ARHGAP42: variants seen among roughly 807,000 people sequenced by gnomAD.
ARHGAP42 encodes the protein rho GTPase-activating protein 42.
ARHGAP42 carries 63 observed loss-of-function variants against 125.0 expected under a neutral mutation model. The ratio of observed to expected loss-of-function variants is 0.50; its 90% CI spans 0.41 to 0.62. The LOEUF (loss-of-function observed/expected upper bound fraction) is 0.62, where lower values mean the gene tolerates loss of function less well. Among genes scored for constraint, ARHGAP42 ranks in the 20% least tolerant of loss-of-function variants. ARHGAP42 has a pLI of 0.00. For synonymous variants in ARHGAP42, 339 were observed against 351.0 expected (o/e 0.97, Z 0.38); for missense variants, 766 against 1,024.2 (o/e 0.75, Z 3.44).
At chr11:100,762,050 ATGAT>A (rs1862713166) in intron 1 of ARHGAP42, among the ~76,000 whole-genome samples, 1 of 152,230 alleles carries the variant, frequency 6.6e-6, no homozygotes, top group Admixed American at 6.5e-5. Flanking sequence ...ACATAAAAGA[ATGAT>A]TGTTTCTAAT....
intron 3 of ARHGAP42, 89 bp from the exon 4 acceptor site, chr11:100,859,465 A>T (rs1171146215): frequency 2.2e-5 from 24 of 1,093,802 alleles, no homozygotes; most frequent in Non-Finnish European, 3.0e-5. Flanking sequence ...AAAACAGTCT[A>T]TTTGATACAT....
At chr11:100,957,753 ACT>A (rs1407673998) in intron 12 of ARHGAP42, among the ~76,000 whole-genome samples, 1 of 151,992 alleles carries the variant, frequency 6.6e-6, no homozygotes, top group Non-Finnish European at 1.5e-5. Context: ...AGTTAGACTG[ACT>A]CTCAGTAAGA....
chr11:100,874,130 CTG>C lies in ARHGAP42; in HGVS notation c.384+14509_384+14510del, dbSNP rs781533332. Among the ~76,000 whole-genome samples, 256 of 152,290 alleles carry C rather than the reference CTG, an allele frequency of 1.7e-3. 2 individuals carry two copies. Among genetic ancestry groups the C allele is most frequent in the Admixed American group, 3.9e-3 (60 of 15,298 alleles). On this transcript the variant is annotated intron_variant, in intron 4 of 23. Coordinates refer to ENST00000298815, the MANE Select transcript of ARHGAP42 (RefSeq NM_152432.4). ...CTGGCTTCTCCCAAGGGCTTTTGTG[CTG>C]TGTCATACATACGGATGTTCAGAGC...
chr11:100,728,769 T>C (rs1415868893), intron 1 of ARHGAP42, among the ~76,000 whole-genome samples: 1 of 145,702 alleles, frequency 6.9e-6, no homozygotes, highest in Non-Finnish European at 1.5e-5. Flanking sequence ...CACACTTTTC[T>C]TTTTTAATTT....
chr11:100,943,622 AAGAC>A, intron 9 of ARHGAP42, 133 bp from the exon 10 acceptor site: 1 of 519,210 alleles, frequency 1.9e-6, no homozygotes, highest in Middle Eastern at 2.9e-4. Context: ...GGAATAAAAA[AAGAC>A]AGGGTATGAT....
Position 100,870,718 on chromosome 11 carries a change from T to C in ARHGAP42, c.384+11093T>C, listed in dbSNP as rs1052203361. 4.6e-5 allele frequency among the ~76,000 whole-genome samples: 7 copies of C among 152,348 alleles called. No homozygotes were observed. In the East Asian group the frequency reaches 7.7e-4, roughly 17 times the overall value. ...TTGGAAACACTGTATTTCACACTTATGTTTTAGAGTTCAAAGTTACAGATA... is the reference window on the plus strand; with the variant it reads ...TTGGAAACACTGTATTTCACACTTACGTTTTAGAGTTCAAAGTTACAGATA... On this transcript the variant is annotated intron_variant, in intron 4 of 23. Transcript: ENST00000298815.
intron 14 of ARHGAP42, 39 bp from the exon 15 acceptor site, chr11:100,961,645 G>T: frequency 1.3e-6 from 2 of 1,520,918 alleles, no homozygotes; most frequent in South Asian, 2.4e-5. Context: ...GAAATATTTT[G>T]AACTGCACAA....
chr11:100,879,130 C>G (rs560773785), intron 4 of ARHGAP42, among the ~76,000 whole-genome samples: 1 of 152,084 alleles, frequency 6.6e-6, no homozygotes, highest in South Asian at 2.1e-4. Context: ...ATTAGAAATG[C>G]AGAATCTTTG....
At chr11:100,894,099 A>G (rs1866285390) in intron 4 of ARHGAP42, among the ~76,000 whole-genome samples, 1 of 152,196 alleles carries the variant, frequency 6.6e-6, no homozygotes, top group African/African-American at 2.4e-5. Context: ...GACAGGTTGT[A>G]TTCCAGTGAA....
chr11:100,729,501 G>C (rs1431686269), intron 1 of ARHGAP42, among the ~76,000 whole-genome samples: 1 of 152,076 alleles, frequency 6.6e-6, no homozygotes, highest in Non-Finnish European at 1.5e-5. Flanking sequence ...CTTGAGATTA[G>C]ATTGAAATTT....
At position 100,901,706 on chromosome 11, in the gene ARHGAP42, G is replaced by C. The variant is rs868695322; in HGVS notation, c.385-11746G>C. ...GCAGTGAGCAAGGCTCCGTGGGCATGGGACCCCCTGAGCCAGGCACGGGAG... is the reference window on the plus strand; with the variant it reads ...GCAGTGAGCAAGGCTCCGTGGGCATCGGACCCCCTGAGCCAGGCACGGGAG... On this transcript the variant is annotated intron_variant, in intron 4 of 23. Coordinates refer to ENST00000298815, the MANE Select transcript of ARHGAP42 (RefSeq NM_152432.4). 1.8e-4 allele frequency among the ~76,000 whole-genome samples: 27 copies of C among 152,350 alleles called. 1 individual carries two copies. The Middle Eastern group carries it at 0.034, about 192-fold the overall frequency.
rs750939283 is a variant in ARHGAP42 at position 100,992,337 on chromosome 11, G to A, written c.*3536G>A. 3.7e-5 allele frequency: 60 copies of A among 1,610,988 alleles called. No homozygotes were observed. The highest frequency in any genetic ancestry group is 5.0e-5 in the Non-Finnish European group (59 of 1,178,728). ...ACCTCACATCACTGCGTAGGACCCG[G>A]AAATCACATCTCCTGGTCAGGTCAC... On this transcript the variant is annotated 3_prime_UTR_variant, in exon 24 of 24. Coordinates refer to ENST00000298815, the MANE Select transcript of ARHGAP42 (RefSeq NM_152432.4).
chr11:100,734,469 T>C lies in ARHGAP42; in HGVS notation c.155-35874T>C, dbSNP rs1326271391. Among the ~76,000 whole-genome samples the C allele has an allele frequency of 2.0e-5, 3 of 151,724 alleles. No individual in the cohort carries two copies. In the East Asian group the frequency reaches 5.8e-4, roughly 30 times the overall value. On this transcript the variant is annotated intron_variant, in intron 1 of 23. Coordinates refer to ENST00000298815, the MANE Select transcript of ARHGAP42 (RefSeq NM_152432.4). Reference sequence around the variant, plus strand: ...TAATTTTTCGTATTTTTAGTAGAGATGGGGTTTCTCCATGTTGGTCAGGCT... The same window carrying C: ...TAATTTTTCGTATTTTTAGTAGAGACGGGGTTTCTCCATGTTGGTCAGGCT...
At chr11:100,787,592 A>C (rs1863466566) in intron 2 of ARHGAP42, among the ~76,000 whole-genome samples, 1 of 152,170 alleles carries the variant, frequency 6.6e-6, no homozygotes, top group African/African-American at 2.4e-5. Context: ...TCTCAGCCCA[A>C]ATGTGGTTTG....
chr11:100,833,948 A>G (rs1864721329), intron 3 of ARHGAP42, among the ~76,000 whole-genome samples: 2 of 152,144 alleles, frequency 1.3e-5, no homozygotes, highest in African/African-American at 2.4e-5. Context: ...AGGTTGTGAT[A>G]GTTTCTTGCA....
rs11607089 is a variant in ARHGAP42 at position 100,870,638 on chromosome 11, C to T, written c.384+11013C>T. ...AAATGGTGAGAAATATTCTAAAGTA[C>T]TTAGGAAACGTGATATTGACTTCCT... On this transcript the variant is annotated intron_variant, in intron 4 of 23. Coordinates refer to ENST00000298815, the MANE Select transcript of ARHGAP42 (RefSeq NM_152432.4). Among the ~76,000 whole-genome samples, 682 of 152,244 alleles carry T rather than the reference C, an allele frequency of 4.5e-3. 2 individuals are homozygous for T. The highest frequency in any genetic ancestry group is 6.0e-3 in the Non-Finnish European group (405 of 68,010).
At chr11:100,954,891 A>G (rs1376763817) in intron 12 of ARHGAP42, among the ~76,000 whole-genome samples, 1 of 152,194 alleles carries the variant, frequency 6.6e-6, no homozygotes, top group Non-Finnish European at 1.5e-5. Context: ...AACATACAGC[A>G]TGATATTAGT....
At chr11:100,891,084 T>C (rs916931424) in intron 4 of ARHGAP42, among the ~76,000 whole-genome samples, 8 of 152,216 alleles carry the variant, frequency 5.3e-5, no homozygotes, top group Non-Finnish European at 1.2e-4. Context: ...ACTGAGTAGA[T>C]GGTTTTTCTG....
chr11:100,790,335 A>G (rs1257930799), intron 2 of ARHGAP42, among the ~76,000 whole-genome samples: 2 of 113,698 alleles, frequency 1.8e-5, no homozygotes, highest in East Asian at 4.0e-4. Context: ...AATAGACTTC[A>G]GTAATAGTTT....
Sources: gnomAD v4.1 joint callset for allele counts (sites outside exome capture counted in the v4.1 genomes callset) on GRCh38, gnomAD v4.1.1 for gene constraint, MANE v1.5 for transcripts, NCBI Gene and HGNC (gene_info 2026-07-23, HGNC 2026-07-21) for gene names.